BCAR3: variants seen among roughly 807,000 people sequenced by gnomAD.
BCAR3 encodes breast cancer anti-estrogen resistance protein 3.
In BCAR3, 37 loss-of-function variants were observed where a neutral mutation model predicts 80.1. That is an observed-to-expected ratio of 0.46 (90% CI 0.36 to 0.61). BCAR3 has a LOEUF of 0.61. Among genes scored for constraint, BCAR3 ranks in the 20% least tolerant of loss-of-function variants. The probability of loss-of-function intolerance (pLI) is 0.00; values close to 1 mark genes in which losing one functional copy is unlikely to be tolerated. For synonymous variants in BCAR3, 389 were observed against 418.9 expected (o/e 0.93, Z 0.87); for missense variants, 978 against 1,068.2 (o/e 0.92, Z 1.18).
intron 2 of BCAR3, among the ~76,000 whole-genome samples, chr1:93,805,345 T>C (rs1380944439): frequency 6.6e-6 from 1 of 152,194 alleles, no homozygotes; most frequent in Non-Finnish European, 1.5e-5. Context: ...TGCTTCAGTC[T>C]GGAAATGAAA....
chr1:93,601,687 G>C (rs1028031154), intron 3 of BCAR3, among the ~76,000 whole-genome samples: 10 of 152,196 alleles, frequency 6.6e-5, no homozygotes, highest in Non-Finnish European at 7.3e-5. Flanking sequence ...TTTAAAAACT[G>C]AGATGATTTT....
intron 7 of BCAR3, among the ~76,000 whole-genome samples, chr1:93,578,854 C>T (rs1163706246): frequency 6.6e-6 from 1 of 152,202 alleles, no homozygotes; most frequent in Non-Finnish European, 1.5e-5. Context: ...GTGGGCTAGG[C>T]AAGGTGCCCT....
chr1:93,780,967 G>A (rs57553733), intron 2 of BCAR3, among the ~76,000 whole-genome samples: 20,469 of 152,156 alleles, frequency 0.13, 2,144 homozygotes, highest in African/African-American at 0.28. Context: ...CAGTGCCCTG[G>A]GTCAAGTGGG....
chr1:93,637,671 T>C (rs1433612522), intron 3 of BCAR3, among the ~76,000 whole-genome samples: 1 of 152,074 alleles, frequency 6.6e-6, no homozygotes, highest in Non-Finnish European at 1.5e-5. Flanking sequence ...AACATGGTGG[T>C]GGCAGTTATG....
chr1:93,630,551 T>C (rs1045678740), intron 3 of BCAR3, among the ~76,000 whole-genome samples: 1 of 152,100 alleles, frequency 6.6e-6, no homozygotes, highest in African/African-American at 2.4e-5. Flanking sequence ...GGAGGATGGC[T>C]TGAGCCTGGG....
chr1:93,738,594 A>G (rs1651072354), intron 2 of BCAR3, among the ~76,000 whole-genome samples: 1 of 152,206 alleles, frequency 6.6e-6, no homozygotes, highest in African/African-American at 2.4e-5. Context: ...CATGGTGGTT[A>G]ACAGCTTGTC....
intron 5 of BCAR3, among the ~76,000 whole-genome samples, chr1:93,588,426 C>T (rs1385124025): frequency 6.6e-6 from 1 of 152,136 alleles, no homozygotes; most frequent in Non-Finnish European, 1.5e-5. Context: ...ACCCCCGGTA[C>T]ATCACTGTCC....
chr1:93,601,215 A>G (rs954978282), intron 3 of BCAR3, among the ~76,000 whole-genome samples: 2 of 152,238 alleles, frequency 1.3e-5, no homozygotes, highest in African/African-American at 4.8e-5. Flanking sequence ...GACGGCTTTT[A>G]GCAACAAAAT....
At chr1:93,807,598 G>A (rs758622333) in intron 2 of BCAR3, among the ~76,000 whole-genome samples, 18 of 152,112 alleles carry the variant, frequency 1.2e-4, no homozygotes, top group Non-Finnish European at 2.1e-4. Flanking sequence ...TGCTACTCTC[G>A]GAAGAATAGA....
At chr1:93,657,534 AC>A (rs1178572560) in intron 2 of BCAR3, among the ~76,000 whole-genome samples, 2 of 152,222 alleles carry the variant, frequency 1.3e-5, no homozygotes, top group African/African-American at 4.8e-5. Context: ...AAAAGTATTG[AC>A]AAACCAAATC....
intron 1 of BCAR3, among the ~76,000 whole-genome samples, chr1:93,676,460 C>T (rs1445534961): frequency 2.0e-5 from 3 of 152,214 alleles, no homozygotes; most frequent in African/African-American, 4.8e-5. Flanking sequence ...ACTCTGTCCT[C>T]GGTTCATTGT....
At chr1:93,840,843 GCTTC>G (rs1438831944) in intron 2 of BCAR3, among the ~76,000 whole-genome samples, 1 of 152,188 alleles carries the variant, frequency 6.6e-6, no homozygotes, top group Non-Finnish European at 1.5e-5. Context: ...TAGTCAAGTA[GCTTC>G]CTTATTGCCT....
intron 2 of BCAR3, among the ~76,000 whole-genome samples, chr1:93,771,688 T>G (rs12143845): frequency 0.12 from 17,714 of 152,104 alleles, 1,419 homozygotes; most frequent in African/African-American, 0.22. Context: ...GAATCCATAC[T>G]CTGCAGGATC....
chr1:93,674,895 G>C lies in BCAR3; in HGVS notation c.36C>G (p.Asn12Lys), dbSNP rs755722083. The change falls in exon 2 of 12, where the codon AAC becomes AAG. Residue 12 changes from asparagine to lysine, a missense_variant. Physicochemically the swap from Asn to Lys is moderately conservative, Grantham distance 94. Transcript: ENST00000260502. ...AAGKFASLPRNMPVNHQFPLA... is the reference protein window; with the variant it reads ...AAGKFASLPRKMPVNHQFPLA... ...GGGGGAACTGGTGATTCACCGGCAT[G>C]TTTCTGGGAAGGCTTGCAAATTTTC... The C allele has an allele frequency of 6.4e-7, 1 of 1,566,332 alleles. No individual in the cohort carries two copies. The highest frequency in any genetic ancestry group is 1.2e-5 in the South Asian group (1 of 83,304).
chr1:93,836,843 A>C (rs1654786421), intron 2 of BCAR3, among the ~76,000 whole-genome samples: 1 of 151,932 alleles, frequency 6.6e-6, no homozygotes. Context: ...ACCTTGTGAA[A>C]TTCCTTCTCC....
intron 8 of BCAR3, among the ~76,000 whole-genome samples, chr1:93,575,212 T>C (rs567685072): frequency 1.3e-5 from 2 of 152,310 alleles, no homozygotes; most frequent in Admixed American, 6.5e-5. Flanking sequence ...TGGACAGCAC[T>C]GTGACCTGGA....
In BCAR3 at chr1:93,708,491, T is replaced by C. The variant is rs545255149; in HGVS notation, c.-62-2349A>G. ...GTGGACACTTTACAAATTGTCATAATCTTTTCTGTCCCCATATTTTTGTCC... is the reference window on the plus strand; with the variant it reads ...GTGGACACTTTACAAATTGTCATAACCTTTTCTGTCCCCATATTTTTGTCC... On this transcript the variant is annotated intron_variant, in intron 2 of 13. Coordinates refer to the BCAR3 transcript ENST00000370244. Among the ~76,000 whole-genome samples the C allele has an allele frequency of 2.6e-5, 4 of 152,340 alleles. No homozygotes were observed. In the East Asian group the frequency reaches 7.7e-4, roughly 29 times the overall value.
intron 2 of BCAR3, among the ~76,000 whole-genome samples, chr1:93,769,718 C>A (rs1242403384): frequency 2.0e-5 from 3 of 152,138 alleles, no homozygotes; most frequent in Admixed American, 2.0e-4. Context: ...ACCAAGCATG[C>A]TTTTCTGCTT....
Position 93,689,402 on chromosome 1 carries a change from G to A in BCAR3, c.-11-14461C>T, listed in dbSNP as rs996403595. Among the ~76,000 whole-genome samples the A allele has an allele frequency of 9.2e-5, 14 of 152,166 alleles. No homozygotes were observed. The East Asian group carries it at 9.7e-4, about 11-fold the overall frequency. ...AAAAATTAGCCGGGTGTGGTGGCAC[G>A]CGTCTGTAGTCCCAGCTACTCAGGA... is the stretch of plus-strand genomic sequence containing the variant. On this transcript the variant is annotated intron_variant, in intron 3 of 13. Coordinates refer to the BCAR3 transcript ENST00000370244.
Sources: gnomAD v4.1 joint callset for allele counts (sites outside exome capture counted in the v4.1 genomes callset) on GRCh38, gnomAD v4.1.1 for gene constraint, MANE v1.5 for transcripts, NCBI Gene and HGNC (gene_info 2026-07-23, HGNC 2026-07-21) for gene names.